The following ZNF385D variants were observed in gnomAD, a reference collection of about 807,000 sequenced individuals.
ZNF385D encodes zinc finger protein 659.
A neutral mutation model predicts 35.8 loss-of-function variants in ZNF385D; 15 were observed. That is an observed-to-expected ratio of 0.42 (90% CI 0.28 to 0.64). ZNF385D has a LOEUF of 0.64. ZNF385D is among the 30% of genes least tolerant of loss of function. ZNF385D has a pLI of 0.23. For synonymous variants in ZNF385D, 212 were observed against 186.8 expected, an observed-to-expected ratio of 1.13 and a Z score of -1.10; for missense variants, 474 against 494.6, an observed-to-expected ratio of 0.96 and a Z score of 0.39.
intron 4 of ZNF385D, among the ~76,000 whole-genome samples, chr3:21,500,081 G>A (rs1200316982): frequency 2.0e-5 from 3 of 152,094 alleles, no homozygotes; most frequent in Non-Finnish European, 4.4e-5. Context: ...AATTAAAATA[G>A]CAATTTTATG....
chr3:22,046,499 C>T (rs1699015442), intron 3 of ZNF385D, among the ~76,000 whole-genome samples: 1 of 151,908 alleles, frequency 6.6e-6, no homozygotes, highest in African/African-American at 2.4e-5. Flanking sequence ...CATTTTTTTC[C>T]CATGTGTGCT....
intron 3 of ZNF385D, among the ~76,000 whole-genome samples, chr3:22,063,854 C>A (rs753780553): frequency 3.3e-5 from 5 of 152,224 alleles, no homozygotes; most frequent in Non-Finnish European, 7.3e-5. Context: ...TATCCAAGCT[C>A]CAGAGCTCCT....
At chr3:21,772,025 C>A (rs2071097328) in intron 3 of ZNF385D, among the ~76,000 whole-genome samples, 1 of 151,788 alleles carries the variant, frequency 6.6e-6, no homozygotes, top group Admixed American at 6.6e-5. Context: ...TGGATATCTA[C>A]AAGCAAAAGA....
At chr3:21,786,390 T>A (rs2071691580) in intron 3 of ZNF385D, among the ~76,000 whole-genome samples, 1 of 150,794 alleles carries the variant, frequency 6.6e-6, no homozygotes, top group Non-Finnish European at 1.5e-5. Context: ...GAAGTCGGCA[T>A]TTTTTTTTTC....
At chr3:22,083,314 G>A (rs1405536412) in intron 3 of ZNF385D, among the ~76,000 whole-genome samples, 3 of 152,118 alleles carry the variant, frequency 2.0e-5, no homozygotes, top group Admixed American at 6.5e-5. Flanking sequence ...CGAACCCATC[G>A]CAAGGAAGGT....
chr3:21,908,972 A>G (rs1180319659), intron 3 of ZNF385D, among the ~76,000 whole-genome samples: 1 of 152,066 alleles, frequency 6.6e-6, no homozygotes, highest in East Asian at 1.9e-4. Context: ...AGCCTATTAA[A>G]AAGTTACAAG....
intron 3 of ZNF385D, among the ~76,000 whole-genome samples, chr3:21,776,238 A>C (rs2071281820): frequency 6.6e-6 from 1 of 151,930 alleles, no homozygotes; most frequent in Non-Finnish European, 1.5e-5. Flanking sequence ...CTCCTCCATT[A>C]GTTTTTGTGC....
chr3:21,939,856 T>C (rs73046307), intron 3 of ZNF385D, among the ~76,000 whole-genome samples: 28,719 of 152,148 alleles, frequency 0.19, 2,882 homozygotes, highest in Middle Eastern at 0.23. Flanking sequence ...TCTATATAAG[T>C]AAAGCACAGT....
chr3:22,015,027 T>A (rs992589076), intron 3 of ZNF385D, among the ~76,000 whole-genome samples: 1 of 152,180 alleles, frequency 6.6e-6, no homozygotes, highest in African/African-American at 2.4e-5. Flanking sequence ...ACAACAAGCA[T>A]ATATCACTGT....
At chr3:22,371,185 G>A (rs566511492) in intron 2 of ZNF385D, among the ~76,000 whole-genome samples, 1 of 152,166 alleles carries the variant, frequency 6.6e-6, no homozygotes, top group African/African-American at 2.4e-5. Context: ...TACCAGCATA[G>A]GCCAACGAGT....
chr3:22,066,362 C>CTG (rs752443626), intron 3 of ZNF385D, among the ~76,000 whole-genome samples: 56 of 144,192 alleles, frequency 3.9e-4, no homozygotes, highest in Middle Eastern at 3.5e-3. Flanking sequence ...AGATGGTTCC[C>CTG]TGTGTGTGTG....
chr3:21,565,581 C>A (rs577412101), intron 2 of ZNF385D, among the ~76,000 whole-genome samples: 1 of 152,226 alleles, frequency 6.6e-6, no homozygotes, highest in South Asian at 2.1e-4. Flanking sequence ...CTTTCACTAT[C>A]CTTGTCTATT....
intron 3 of ZNF385D, among the ~76,000 whole-genome samples, chr3:21,916,473 G>C (rs986713453): frequency 2.0e-4 from 30 of 152,114 alleles, no homozygotes; most frequent in African/African-American, 7.0e-4. Context: ...ACTTTAGAGA[G>C]AGTATAAGCA....
At chr3:21,968,661 A>G (rs572116608) in intron 3 of ZNF385D, among the ~76,000 whole-genome samples, 13 of 152,326 alleles carry the variant, frequency 8.5e-5, no homozygotes, top group Non-Finnish European at 1.8e-4. Flanking sequence ...AAGTCTTAGC[A>G]GCATTCATCA....
At chr3:22,232,767 C>T (rs115469593) in intron 2 of ZNF385D, among the ~76,000 whole-genome samples, 229 of 152,230 alleles carry the variant, frequency 1.5e-3, no homozygotes, top group African/African-American at 5.2e-3. Flanking sequence ...GCCACATTTT[C>T]TTTACCCAGT....
chr3:21,838,246 G>A (rs1243289129), intron 3 of ZNF385D, among the ~76,000 whole-genome samples: 1 of 152,088 alleles, frequency 6.6e-6, no homozygotes, highest in African/African-American at 2.4e-5. Context: ...CAATGCAGGT[G>A]ATAAGCATGA....
At chr3:21,617,168 C>T (rs1489105105) in intron 2 of ZNF385D, among the ~76,000 whole-genome samples, 2 of 152,186 alleles carry the variant, frequency 1.3e-5, no homozygotes, top group Non-Finnish European at 2.9e-5. Flanking sequence ...TCTGTAGCCA[C>T]TAAAGGTACA....
chr3:22,144,276 T>C (rs1258653367), intron 3 of ZNF385D, among the ~76,000 whole-genome samples: 1 of 152,164 alleles, frequency 6.6e-6, no homozygotes, highest in Admixed American at 6.6e-5. Context: ...AGAGATTTTA[T>C]ACATTTAAAG....
At chr3:22,126,677 T>A (rs567481095) in intron 3 of ZNF385D, among the ~76,000 whole-genome samples, 1 of 152,180 alleles carries the variant, frequency 6.6e-6, no homozygotes, top group Non-Finnish European at 1.5e-5. Context: ...TGAAATGTTC[T>A]GTAGATATAT....
Sources: gnomAD v4.1 joint callset for allele counts (sites outside exome capture counted in the v4.1 genomes callset) on GRCh38, gnomAD v4.1.1 for gene constraint, MANE v1.5 for transcripts, NCBI Gene and HGNC (gene_info 2026-07-23, HGNC 2026-07-21) for gene names.